Variants in RAB25 observed in about 807,000 individuals in gnomAD.
RAB25 encodes the protein ras-related protein Rab-25.
In RAB25, 23 loss-of-function variants were observed where a neutral mutation model predicts 25.2. The observed-to-expected ratio is 0.91, with a 90% CI of 0.66 to 1.29. The LOEUF (loss-of-function observed/expected upper bound fraction) is 1.29. Among genes scored for constraint, RAB25 ranks in the 50% most tolerant of loss-of-function variants. The probability of loss-of-function intolerance (pLI) is 0.00; values close to 1 mark genes in which losing one functional copy is unlikely to be tolerated. For missense variants in RAB25, 244 were observed against 277.3 expected (o/e 0.88, Z 0.85); for synonymous variants, 102 against 111.5 (o/e 0.91, Z 0.54).
In RAB25 at chr1:156,068,276, T is replaced by G. The variant is rs773285730; in HGVS notation, c.246T>G (p.Tyr82Ter). The G allele has an allele frequency of 6.2e-7, 1 of 1,611,806 alleles. No individual in the cohort carries two copies. The highest frequency in any genetic ancestry group is 1.3e-5 in the African/African-American group (1 of 74,996). Reference sequence around the variant, plus strand: ...CCTTCTCATTCCCACCCAGGTACTATCGTGGTGCAGTGGGGGCCCTCCTGG... The same window carrying G: ...CCTTCTCATTCCCACCCAGGTACTAGCGTGGTGCAGTGGGGGCCCTCCTGG... ...ERYRAITSAY[Y>*]RGAVGALLVF... The change falls in exon 3 of 5, where the codon TAT (tyrosine) becomes TAG (stop). Residue 82 changes from tyrosine to a stop codon, truncating the protein, a stop_gained. Coordinates refer to ENST00000361084, the MANE Select transcript of RAB25 (RefSeq NM_020387.4). LOFTEE classifies it high-confidence loss of function.
At chr1:156,068,004 T>C (rs1414141731) in intron 2 of RAB25, among the ~76,000 whole-genome samples, 1 of 152,132 alleles carries the variant, frequency 6.6e-6, no homozygotes, top group Non-Finnish European at 1.5e-5. Flanking sequence ...CCACCCGCCT[T>C]GGCCTCCCAA....
rs749680413 is a variant in RAB25 at position 156,069,653 on chromosome 1, T to C, written c.434-18T>C. 6.4e-7 allele frequency: 1 copy of C among 1,573,172 alleles called. No individual in the cohort carries two copies. Among genetic ancestry groups the C allele is most frequent in the African/African-American group, 1.3e-5 (1 of 74,122 alleles). On this transcript the variant is annotated intron_variant, in intron 3 of 4. Coordinates refer to ENST00000361084, the MANE Select transcript of RAB25 (RefSeq NM_020387.4). ...CCTTTGACTCCCACAATTAATGGTG[T>C]GTTTCCCTTCCTGGCAGAAAACAAT...
intron 4 of RAB25, 182 bp from the exon 5 acceptor site, chr1:156,069,978 C>A: frequency 1.0e-6 from 1 of 1,003,086 alleles, no homozygotes; most frequent in Non-Finnish European, 1.5e-6. Context: ...TTGGTTCCTT[C>A]TCCACCCAAG....
intron 1 of RAB25, 25 bp from the exon 2 acceptor site, chr1:156,065,886 A>T: frequency 6.4e-7 from 1 of 1,552,042 alleles, no homozygotes; most frequent in Non-Finnish European, 8.8e-7. Flanking sequence ...CCCCATGCTC[A>T]GCCCTTATCT....
Position 156,068,567 on chromosome 1 carries a change from T to G in RAB25, c.433+104T>G, listed in dbSNP as rs563061206. The G allele has an allele frequency of 1.0e-5, 12 of 1,149,478 alleles. No individual in the cohort carries two copies. In the African/African-American group the frequency reaches 1.8e-4, roughly 17 times the overall value. The allele number at this position is 1,149,478 out of a possible 1,614,324, so 71.2% of individuals were successfully genotyped here. On this transcript the variant is annotated intron_variant, in intron 3 of 4. Coordinates refer to ENST00000361084, the MANE Select transcript of RAB25 (RefSeq NM_020387.4). ...CACCCATAGAGCCCCTAGCCTGGCC[T>G]TCCTCCATACAGTCCTCTACCCCAT...
intron 1 of RAB25, among the ~76,000 whole-genome samples, chr1:156,061,824 G>A (rs753209140): frequency 2.6e-5 from 4 of 151,908 alleles, no homozygotes; most frequent in African/African-American, 4.8e-5. Context: ...TTGCTCTGTC[G>A]CCCAGGCTGG....
chr1:156,066,407 A>G (rs529037189), intron 2 of RAB25: 11 of 264,834 alleles, frequency 4.2e-5, no homozygotes, highest in African/African-American at 2.4e-4. Context: ...TTAAAGTACC[A>G]CAGGAGTAAA....
At chr1:156,066,806 GGT>G (rs1243280599) in intron 2 of RAB25, among the ~76,000 whole-genome samples, 1 of 151,978 alleles carries the variant, frequency 6.6e-6, no homozygotes. Flanking sequence ...CGGGCTTGGT[GGT>G]GCGTACCTGT....
At chr1:156,063,246 G>T (rs1041511359) in intron 1 of RAB25, among the ~76,000 whole-genome samples, 1 of 151,520 alleles carries the variant, frequency 6.6e-6, no homozygotes, top group Non-Finnish European at 1.5e-5. Context: ...TCCGCCTCCT[G>T]GGTTCAAGCG....
Position 156,069,014 on chromosome 1 carries a change from C to T in RAB25, c.433+551C>T, listed in dbSNP as rs555640992. ...CGTAGTTAATTTTAAGGCAGCCCCA[C>T]CCTGTAATGCTCAAAGATCCTATGG... On this transcript the variant is annotated intron_variant, in intron 3 of 4. Transcript: ENST00000361084. 1.3e-4 allele frequency among the ~76,000 whole-genome samples: 20 copies of T among 151,814 alleles called. 1 individual carries two copies. Among genetic ancestry groups the T allele is most frequent in the Admixed American group, 1.3e-3 (20 of 15,214 alleles).
At chr1:156,064,868 G>A (rs1052015275) in intron 1 of RAB25, among the ~76,000 whole-genome samples, 2 of 152,216 alleles carry the variant, frequency 1.3e-5, no homozygotes, top group Non-Finnish European at 2.9e-5. Flanking sequence ...GTCCTTGGGT[G>A]CCAGCCTGCC....
chr1:156,065,263 CA>C (rs1176104029), intron 1 of RAB25, among the ~76,000 whole-genome samples: 2 of 152,180 alleles, frequency 1.3e-5, no homozygotes, highest in Non-Finnish European at 2.9e-5. Context: ...TGCCGAAGGA[CA>C]CATAGCTGGT....
intron 2 of RAB25, 75 bp from the exon 3 acceptor site, chr1:156,068,195 C>T: frequency 7.5e-7 from 1 of 1,332,172 alleles, no homozygotes; most frequent in Non-Finnish European, 1.1e-6. Context: ...GGTGTTCCAG[C>T]TTGACGGCTC....
chr1:156,062,863 G>T (rs1647623032), intron 1 of RAB25, among the ~76,000 whole-genome samples: 1 of 151,834 alleles, frequency 6.6e-6, no homozygotes, highest in Admixed American at 6.6e-5. Flanking sequence ...AGACCAGCCT[G>T]GCCAACATGG....
Position 156,068,267 on chromosome 1 carries a change from C to T in RAB25, c.240-3C>T, listed in dbSNP as rs61748951. The T allele has an allele frequency of 1.9e-6, 3 of 1,608,234 alleles. No individual in the cohort carries two copies. The highest frequency in any genetic ancestry group is 4.5e-5 in the East Asian group (2 of 44,750). On this transcript the variant is annotated splice_region_variant and splice_polypyrimidine_tract_variant and intron_variant, in intron 2 of 4. Transcript: ENST00000361084. ...TCTGTCCATCCTTCTCATTCCCACC[C>T]AGGTACTATCGTGGTGCAGTGGGGG...
At chr1:156,066,927 G>A (rs184157493) in intron 2 of RAB25, among the ~76,000 whole-genome samples, 59 of 147,750 alleles carry the variant, frequency 4.0e-4, no homozygotes, top group African/African-American at 1.4e-3. Context: ...GTGACAAAGC[G>A]ATACTGTGTC....
At chr1:156,066,520 C>G (rs892410995) in intron 2 of RAB25, among the ~76,000 whole-genome samples, 1 of 152,146 alleles carries the variant, frequency 6.6e-6, no homozygotes, top group Non-Finnish European at 1.5e-5. Context: ...CCCTCACTTC[C>G]GCACAATGCT....
At chr1:156,063,219 T>G (rs1208902109) in intron 1 of RAB25, among the ~76,000 whole-genome samples, 2 of 151,910 alleles carry the variant, frequency 1.3e-5, no homozygotes, top group Non-Finnish European at 2.9e-5. Flanking sequence ...CACTGCAATC[T>G]CCGCCTTCCT....
At position 156,070,444 on chromosome 1, in the gene RAB25, C is replaced by A; in HGVS notation, c.*157C>A. 9.7e-6 allele frequency: 9 copies of A among 931,494 alleles called. No individual in the cohort carries two copies. The highest frequency in any genetic ancestry group is 2.9e-5 in the Admixed American group (1 of 34,602). 57.7% of individuals were successfully genotyped at this position (931,494 alleles called of 1,614,324 possible). A position where few individuals can be genotyped will look rare whatever the true frequency, so the allele number is the denominator to read the frequency against. ...AGGTCTTCATGCCCTATCACAAATA[C>A]CTCTTTTATCTGTCCACCCCTCACA... On this transcript the variant is annotated 3_prime_UTR_variant, in exon 5 of 5. Coordinates refer to ENST00000361084, the MANE Select transcript of RAB25 (RefSeq NM_020387.4).
Sources: allele counts gnomAD v4.1 joint callset (sites outside exome capture counted in the v4.1 genomes callset), GRCh38; gene constraint gnomAD v4.1.1; transcripts MANE v1.5; gene names NCBI Gene and HGNC (gene_info 2026-07-23, HGNC 2026-07-21).